Variants in OR10K1 observed in about 807,000 individuals in gnomAD.
OR10K1 encodes olfactory receptor 10K1.
For synonymous variants in OR10K1, 186 were observed against 152.5 expected (o/e 1.22, Z -1.62); for missense variants, 404 against 373.3 (o/e 1.08, Z -0.68).
intron 1 of OR10K1, among the ~76,000 whole-genome samples, 168 bp from the exon 2 acceptor site, chr1:158,465,238 T>C (rs575572872): frequency 6.6e-6 from 1 of 152,220 alleles, no homozygotes; most frequent in Admixed American, 6.5e-5. Context: ...TTGCCTTGGG[T>C]TTATAGTAAG....
chr1:158,466,577 T>A lies in OR10K1; in HGVS notation c.*74T>A. 1 of 902,484 alleles carries A rather than the reference T, an allele frequency of 1.1e-6. No individual in the cohort carries two copies. The highest frequency in any genetic ancestry group is 1.8e-6 in the Non-Finnish European group (1 of 566,360). The allele number at this position is 902,484 out of a possible 1,614,324, so 55.9% of individuals were successfully genotyped here. A position where few individuals can be genotyped will look rare whatever the true frequency, so the allele number is the denominator to read the frequency against. ...TGTGTTTTATACATTTTTTTTCATT[T>A]AATTGTCCAGCTCCACTGTAACATA... On this transcript the variant is annotated 3_prime_UTR_variant, in exon 2 of 2. Coordinates refer to ENST00000641535, the MANE Select transcript of OR10K1 (RefSeq NM_001004473.2).
chr1:158,462,932 A>G (rs895066053), intron 1 of OR10K1, among the ~76,000 whole-genome samples: 2 of 152,130 alleles, frequency 1.3e-5, no homozygotes, highest in Non-Finnish European at 1.5e-5. Context: ...AAATATCACA[A>G]TTAAGGGGAT....
rs1656065778 is a variant in OR10K1 at position 158,467,253 on chromosome 1, T to C, written c.*750T>C. 6.6e-6 allele frequency: 1 copy of C among 152,134 alleles called. No individual in the cohort carries two copies. The highest frequency in any genetic ancestry group is 1.5e-5 in the Non-Finnish European group (1 of 68,014). The allele number at this position is 152,134 out of a possible 1,614,324, so 9.4% of individuals were successfully genotyped here. The stretch of plus-strand genomic sequence containing the variant: ...GTAATTCCAAGCAAAGGGCTTGAGT[T>C]AATATTAATAGAAGGCTAGATTCCT... On this transcript the variant is annotated 3_prime_UTR_variant, in exon 2 of 2. Transcript: ENST00000641535.
Position 158,463,825 on chromosome 1 carries a change from A to C in OR10K1, c.-156-1581A>C, listed in dbSNP as rs553068278. On this transcript the variant is annotated intron_variant, in intron 1 of 1. Transcript: ENST00000641535. ...ACATATAACTAATACACACACACTCATACACAAATATCAATGGAGGTATAC... is the reference window on the plus strand; with the variant it reads ...ACATATAACTAATACACACACACTCCTACACAAATATCAATGGAGGTATAC... Among the ~76,000 whole-genome samples the C allele has an allele frequency of 1.1e-4, 17 of 152,314 alleles. No homozygotes were observed. In the East Asian group the frequency reaches 3.1e-3, roughly 28 times the overall value.
At chr1:158,462,357 C>A (rs150121621) in intron 1 of OR10K1, among the ~76,000 whole-genome samples, 1 of 151,262 alleles carries the variant, frequency 6.6e-6, no homozygotes, top group African/African-American at 2.4e-5. Flanking sequence ...ATTTTATTTT[C>A]TTTTTTCTTT....
At chr1:158,464,716 T>A (rs1245738293) in intron 1 of OR10K1, among the ~76,000 whole-genome samples, 4 of 152,198 alleles carry the variant, frequency 2.6e-5, no homozygotes, top group African/African-American at 9.7e-5. Flanking sequence ...AGGCACAATC[T>A]TGGCTCACTG....
intron 1 of OR10K1, among the ~76,000 whole-genome samples, chr1:158,462,109 G>A (rs770057268): frequency 9.2e-5 from 14 of 151,774 alleles, no homozygotes; most frequent in African/African-American, 2.9e-4. Context: ...ATGAAACCCC[G>A]TCTCTACTAA....
At chr1:158,464,783 G>A (rs1253725675) in intron 1 of OR10K1, among the ~76,000 whole-genome samples, 1 of 152,090 alleles carries the variant, frequency 6.6e-6, no homozygotes, top group South Asian at 2.1e-4. Flanking sequence ...CGAGTAGCTG[G>A]GATTACAGGT....
At position 158,466,570 on chromosome 1, in the gene OR10K1, T is replaced by C. The variant is rs1299154856; in HGVS notation, c.*67T>C. ...CAGAACGTGTGTTTTATACATTTTT[T>C]TTCATTTAATTGTCCAGCTCCACTG... On this transcript the variant is annotated 3_prime_UTR_variant, in exon 2 of 2. Coordinates refer to ENST00000641535, the MANE Select transcript of OR10K1 (RefSeq NM_001004473.2). 1 of 956,786 alleles carries C rather than the reference T, an allele frequency of 1.0e-6. No individual in the cohort carries two copies. 59.3% of individuals were successfully genotyped at this position (956,786 alleles called of 1,614,324 possible).
Position 158,465,917 on chromosome 1 carries a change from G to T in OR10K1, c.356G>T (p.Gly119Val). The change falls in exon 2 of 2, where the codon GGC (glycine) becomes GTC (valine). Residue 119 changes from glycine (G) to valine (V), a missense_variant. Transcript: ENST00000641535. ...CACTCCTTCCTGCTGGCAGCCATGG[G>T]CTATGATCGCTATATGGCCATCTGT... ...SSHSFLLAAM[G>V]YDRYMAICNP... 2 of 1,614,094 alleles carry T rather than the reference G, an allele frequency of 1.2e-6. No individual in the cohort carries two copies. Among genetic ancestry groups the T allele is most frequent in the South Asian group, 2.2e-5 (2 of 91,076 alleles).
Position 158,466,858 on chromosome 1 carries a change from C to CA in OR10K1, c.*368dup, listed in dbSNP as rs34100477. 0.17 allele frequency: 15,369 copies of CA among 89,986 alleles called. 1,035 individuals carry two copies. Among genetic ancestry groups the CA allele is most frequent in the East Asian group, 0.31 (1,133 of 3,674 alleles). The allele number at this position is 89,986 out of a possible 1,614,324, so 5.6% of individuals were successfully genotyped here. On this transcript the variant is annotated 3_prime_UTR_variant, in exon 2 of 2. Coordinates refer to ENST00000641535, the MANE Select transcript of OR10K1 (RefSeq NM_001004473.2). ...TACATCAGGAAAGAAAAGATGTATC[C>CA]AAAAAAAAAAAAAGAAAGAAAAAAG...
In OR10K1 at chr1:158,466,344, G is replaced by T. The variant is rs909586330; in HGVS notation, c.783G>T (p.Arg261Ser). The change falls in exon 2 of 2, where the codon AGG (arginine) becomes AGT (serine). Residue 261 changes from arginine (R) to serine (S), a missense_variant. By Grantham distance (110) the Arg-to-Ser change is moderately radical (BLOSUM62 -1). Transcript: ENST00000641535. ...HYSCASFIYL[R>S]PKTNYTSSQD... ...GTTGTGCCTCTTTCATCTACTTAAG[G>T]CCCAAGACTAATTACACTTCAAGCC... 1 of 1,613,842 alleles carries T rather than the reference G, an allele frequency of 6.2e-7. No individual in the cohort carries two copies. Among genetic ancestry groups the T allele is most frequent in the Non-Finnish European group, 8.5e-7 (1 of 1,179,982 alleles).
chr1:158,465,997 G>A lies in OR10K1; in HGVS notation c.436G>A (p.Ala146Thr). The change falls in exon 2 of 2, where the codon GCT becomes ACT. Residue 146 changes from alanine (A) to threonine (T), a missense_variant. Ala to Thr is a moderately conservative substitution (Grantham distance 58). Transcript: ENST00000641535. ...MGHGVCMGLM[A>T]AACACGFTVS... ...ACATGGGGTGTGTATGGGACTAATG[G>A]CTGCTGCCTGTGCCTGTGGCTTCAC... The A allele has an allele frequency of 6.2e-7, 1 of 1,614,066 alleles. No individual in the cohort carries two copies. Among genetic ancestry groups the A allele is most frequent in the East Asian group, 2.2e-5 (1 of 44,870 alleles).
At chr1:158,462,673 T>A (rs1305218086) in intron 1 of OR10K1, among the ~76,000 whole-genome samples, 4 of 152,234 alleles carry the variant, frequency 2.6e-5, no homozygotes, top group African/African-American at 9.6e-5. Flanking sequence ...CTGAAGCTGC[T>A]TACATAATTT....
At chr1:158,465,322 G>C (rs1185876699) in intron 1 of OR10K1, 84 bp from the exon 2 acceptor site, 1 of 557,092 alleles carries the variant, frequency 1.8e-6, no homozygotes, top group Admixed American at 3.1e-5. Flanking sequence ...TGGTCAGAGA[G>C]ATAACCTGTT....
chr1:158,462,273 C>G (rs918872882), intron 1 of OR10K1, among the ~76,000 whole-genome samples: 5 of 131,460 alleles, frequency 3.8e-5, no homozygotes, highest in African/African-American at 1.4e-4. Context: ...GAGTGAGACT[C>G]CTTCTGAAAA....
intron 1 of OR10K1, among the ~76,000 whole-genome samples, chr1:158,463,139 A>G (rs1006223): frequency 0.34 from 51,558 of 151,996 alleles, 9,391 homozygotes; most frequent in South Asian, 0.47. Context: ...AAAAAACTAA[A>G]TATTGAAGGT....
chr1:158,464,735 G>A (rs1349984135), intron 1 of OR10K1, among the ~76,000 whole-genome samples: 3 of 152,054 alleles, frequency 2.0e-5, no homozygotes, highest in African/African-American at 4.8e-5. Context: ...TGCAACCTCC[G>A]CCTCCCGGGC....
chr1:158,466,460 C>A lies in OR10K1; in HGVS notation c.899C>A (p.Ala300Asp). 1 of 1,613,936 alleles carries A rather than the reference C, an allele frequency of 6.2e-7. No homozygotes were observed. Among genetic ancestry groups the A allele is most frequent in the Non-Finnish European group, 8.5e-7 (1 of 1,179,890 alleles). The change falls in exon 2 of 2, where the codon GCC becomes GAC. Residue 300 changes from alanine to aspartate, a missense_variant. Transcript: ENST00000641535. ...CTGAGAAATAAGGAATTCAAATCAG[C>A]CCTACGAAGAACAATCGGCCAAACT... The part of the protein sequence containing the change: ...YSLRNKEFKS[A>D]LRRTIGQTFY...
Sources: gnomAD v4.1 joint callset for allele counts (sites outside exome capture counted in the v4.1 genomes callset) on GRCh38, gnomAD v4.1.1 for gene constraint, MANE v1.5 for transcripts, NCBI Gene and HGNC (gene_info 2026-07-23, HGNC 2026-07-21) for gene names.